Variants in PRMT8 observed in about 807,000 individuals in gnomAD.
PRMT8 encodes the protein protein arginine N-methyltransferase 8.
In PRMT8, 7 loss-of-function variants were observed where a neutral mutation model predicts 47.1. That is an observed-to-expected ratio of 0.15 (90% CI 0.08 to 0.28). The LOEUF is 0.28. PRMT8 is among the 10% of genes least tolerant of loss of function. The probability of loss-of-function intolerance (pLI) is 1.00; values close to 1 mark genes in which losing one functional copy is unlikely to be tolerated. For missense variants in PRMT8, 237 were observed against 505.4 expected (o/e 0.47, Z 5.09); for synonymous variants, 188 against 186.5 (o/e 1.01, Z -0.07).
intron 1 of PRMT8, among the ~76,000 whole-genome samples, chr12:3,454,740 G>C (rs1415079863): frequency 6.6e-6 from 1 of 152,152 alleles, no homozygotes; most frequent in African/African-American, 2.4e-5. Context: ...CCGCGGGTCG[G>C]CCTGCGCTCC....
intron 2 of PRMT8, among the ~76,000 whole-genome samples, chr12:3,546,396 G>T (rs1866327970): frequency 2.6e-5 from 4 of 152,132 alleles, no homozygotes; most frequent in Admixed American, 2.0e-4. Flanking sequence ...AAAGCCAAAA[G>T]TTGCCTTTTG....
At chr12:3,578,955 G>C (rs995785497) in intron 7 of PRMT8, among the ~76,000 whole-genome samples, 4 of 152,160 alleles carry the variant, frequency 2.6e-5, no homozygotes, top group African/African-American at 9.7e-5. Context: ...TCCATTCACA[G>C]GGTTCTCACT....
chr12:3,421,671 C>A (rs186771419), intron 1 of PRMT8, among the ~76,000 whole-genome samples: 140 of 152,376 alleles, frequency 9.2e-4, no homozygotes, highest in African/African-American at 3.2e-3. Context: ...GTTGAGTCCT[C>A]ACCCTGGCTC....
At chr12:3,432,568 G>C (rs1219851427) in intron 1 of PRMT8, among the ~76,000 whole-genome samples, 1 of 152,066 alleles carries the variant, frequency 6.6e-6, no homozygotes, top group Non-Finnish European at 1.5e-5. Context: ...AGGCAGGAAG[G>C]GCTGGAGGGA....
chr12:3,386,472 A>G (rs1028717304), intron 1 of PRMT8, among the ~76,000 whole-genome samples: 1 of 152,190 alleles, frequency 6.6e-6, no homozygotes, highest in Non-Finnish European at 1.5e-5. Flanking sequence ...ATCAATAAAC[A>G]AGTAACCTTT....
intron 5 of PRMT8, 95 bp downstream of exon 5, chr12:3,568,943 A>G: frequency 6.6e-7 from 1 of 1,522,428 alleles, no homozygotes; most frequent in Non-Finnish European, 8.9e-7. Flanking sequence ...AAGACTTCAG[A>G]GAAGACTGAG....
chr12:3,562,409 C>T (rs904113825), intron 4 of PRMT8, among the ~76,000 whole-genome samples: 1 of 151,778 alleles, frequency 6.6e-6, no homozygotes, highest in African/African-American at 2.4e-5. Flanking sequence ...CTAGCACAGA[C>T]AACATCTTTG....
At chr12:3,517,010 AAAC>A (rs1242612146) in intron 1 of PRMT8, among the ~76,000 whole-genome samples, 1 of 152,170 alleles carries the variant, frequency 6.6e-6, no homozygotes, top group African/African-American at 2.4e-5. Flanking sequence ...GACAACCTAA[AAAC>A]AACAACAGCA....
At chr12:3,574,462 A>G (rs566273615) in intron 6 of PRMT8, among the ~76,000 whole-genome samples, 42 of 152,390 alleles carry the variant, frequency 2.8e-4, no homozygotes, top group African/African-American at 9.9e-4. Flanking sequence ...TCGAGAACAC[A>G]GAACCACTGA....
At chr12:3,421,237 A>C (rs1047645304) in intron 1 of PRMT8, among the ~76,000 whole-genome samples, 10 of 152,188 alleles carry the variant, frequency 6.6e-5, no homozygotes, top group African/African-American at 2.2e-4. Flanking sequence ...GTCGGGTCTC[A>C]AATCTGGCTT....
At chr12:3,542,605 A>C (rs961583372) in intron 2 of PRMT8, among the ~76,000 whole-genome samples, 9 of 152,348 alleles carry the variant, frequency 5.9e-5, no homozygotes, top group Admixed American at 2.6e-4. Flanking sequence ...CAGGGACCCC[A>C]AAATGTCTCC....
chr12:3,381,852 C>T (rs1329387169), intron 1 of PRMT8, among the ~76,000 whole-genome samples: 2 of 152,142 alleles, frequency 1.3e-5, no homozygotes, highest in East Asian at 1.9e-4. Flanking sequence ...TTCATAGCCA[C>T]GCCCACTTCC....
intron 2 of PRMT8, among the ~76,000 whole-genome samples, chr12:3,547,992 C>T (rs887745231): frequency 3.3e-5 from 5 of 152,132 alleles, no homozygotes; most frequent in African/African-American, 7.2e-5. Context: ...ACTCTCACTA[C>T]GTTATTTCAA....
intron 1 of PRMT8, among the ~76,000 whole-genome samples, chr12:3,476,736 C>G (rs1481361616): frequency 6.6e-6 from 1 of 152,208 alleles, no homozygotes; most frequent in African/African-American, 2.4e-5. Context: ...GGAACTTCAA[C>G]AGCAGCCTCT....
intron 1 of PRMT8, among the ~76,000 whole-genome samples, chr12:3,426,281 C>T (rs1864603844): frequency 6.6e-6 from 1 of 152,224 alleles, no homozygotes; most frequent in African/African-American, 2.4e-5. Flanking sequence ...ATCTTGGTAT[C>T]CTGTCTTAAC....
chr12:3,491,658 C>T lies in PRMT8; in HGVS notation c.33C>T (p.Leu11=), dbSNP rs1343979411. The change falls in exon 1 of 10, where the codon CTC becomes CTT. Residue 11 remains leucine, a synonymous_variant. Transcript: ENST00000382622. ...TGAAACACTCCTCCCGCTGCCTGCT[C>T]CTGAGGAGGAAAATGGCGGAGAACG... is the stretch of plus-strand genomic sequence containing the variant. The part of the protein sequence containing the change: MGMKHSSRCL[L]LRRKMAENAA... The T allele has an allele frequency of 1.9e-6, 3 of 1,612,558 alleles. No individual in the cohort carries two copies. The highest frequency in any genetic ancestry group is 1.3e-5 in the African/African-American group (1 of 74,718).
chr12:3,468,815 A>ATTTTT (rs1865132143), intron 1 of PRMT8: 1 of 154,446 alleles, frequency 6.5e-6, no homozygotes, highest in African/African-American at 2.4e-5. Context: ...AATGTCCCAC[A>ATTTTT]TTTTTACAAG....
At chr12:3,544,827 C>T (rs892589713) in intron 2 of PRMT8, among the ~76,000 whole-genome samples, 4 of 152,198 alleles carry the variant, frequency 2.6e-5, no homozygotes, top group African/African-American at 7.2e-5. Context: ...CCTGAACCCC[C>T]GTGAAATGCT....
rs1349116011 is a variant in PRMT8, at chr12:3,557,263, G to A, written c.481+3549G>A. Among the ~76,000 whole-genome samples the A allele has an allele frequency of 1.3e-5, 2 of 152,188 alleles. No homozygotes were observed. Among genetic ancestry groups the A allele is most frequent in the Non-Finnish European group, 1.5e-5 (1 of 68,026 alleles). On this transcript the variant is annotated intron_variant, in intron 4 of 9. Coordinates refer to ENST00000382622, the MANE Select transcript of PRMT8 (RefSeq NM_019854.5). The surrounding 1 kb of genome is among the most constrained non-coding windows in gnomAD (Gnocchi z 4.7). ...TCTCAGGAGCTCGAGTGCGATTGGAGTAGAAGGTTGCCGGGATCAGGGCTT... is the reference window on the plus strand; with the variant it reads ...TCTCAGGAGCTCGAGTGCGATTGGAATAGAAGGTTGCCGGGATCAGGGCTT...
Sources: gnomAD v4.1 joint callset for allele counts (sites outside exome capture counted in the v4.1 genomes callset) on GRCh38, gnomAD v4.1.1 for gene constraint, Gnocchi (gnomAD v3.1) non-coding constraint, MANE v1.5 for transcripts, NCBI Gene and HGNC (gene_info 2026-07-23, HGNC 2026-07-21) for gene names.